The following SRGAP3 variants were observed in gnomAD, a reference collection of about 807,000 sequenced individuals.
SRGAP3 encodes SLIT-ROBO Rho GTPase activating protein 3, also known as SLIT-ROBO Rho GTPase-activating protein 3.
Under a neutral mutation model 121.1 loss-of-function variants are expected in SRGAP3, and 39 were observed. The ratio of observed to expected loss-of-function variants is 0.32; its 90% CI spans 0.25 to 0.42. The LOEUF (loss-of-function observed/expected upper bound fraction) is 0.42. Among genes scored for constraint, SRGAP3 ranks in the 10% least tolerant of loss-of-function variants. SRGAP3 has a pLI of 1.00. For synonymous variants in SRGAP3, 601 were observed against 570.0 expected (o/e 1.05, Z -0.77); for missense variants, 1,213 against 1,470.6 (o/e 0.82, Z 2.86).
chr3:9,301,927 A>C (rs1456967388), intron 3 of SRGAP3, among the ~76,000 whole-genome samples: 4 of 152,226 alleles, frequency 2.6e-5, no homozygotes, highest in African/African-American at 9.6e-5. Context: ...TGTTACTCTG[A>C]AAGGATATTG....
At chr3:9,283,832 ATTC>A in intron 3 of SRGAP3, among the ~76,000 whole-genome samples, 1 of 152,336 alleles carries the variant, frequency 6.6e-6, no homozygotes, top group Middle Eastern at 3.4e-3. Flanking sequence ...ACAAGCACAA[ATTC>A]TTAAGGAATT....
chr3:9,307,494 G>A (rs1384388204), intron 3 of SRGAP3, among the ~76,000 whole-genome samples: 3 of 152,200 alleles, frequency 2.0e-5, no homozygotes, highest in South Asian at 2.1e-4. Context: ...CTACGACCCA[G>A]CTATACAGGT....
chr3:9,314,850 T>A (rs903065908), intron 3 of SRGAP3, among the ~76,000 whole-genome samples: 7 of 152,206 alleles, frequency 4.6e-5, no homozygotes, highest in African/African-American at 1.7e-4. Flanking sequence ...GGAGGGGACC[T>A]GGCACTGGAG....
At chr3:9,092,483 T>A (rs966002131) in intron 3 of SRGAP3, among the ~76,000 whole-genome samples, 43 of 152,120 alleles carry the variant, frequency 2.8e-4, no homozygotes, top group African/African-American at 9.4e-4. Flanking sequence ...AAGCCTAAGA[T>A]CAGCCCTTTA....
intron 3 of SRGAP3, chr3:9,081,118 C>G (rs1947224892): frequency 2.9e-6 from 1 of 342,708 alleles, no homozygotes; most frequent in African/African-American, 2.2e-5. Context: ...TGAGAATCAG[C>G]AGCTGGCACC....
chr3:9,270,366 CA>C (rs1954449684), intron 3 of SRGAP3, among the ~76,000 whole-genome samples: 1 of 152,042 alleles, frequency 6.6e-6, no homozygotes, highest in South Asian at 2.1e-4. Flanking sequence ...CAAAAACAGA[CA>C]ACACTAATCC....
chr3:9,055,723 A>G (rs1402294711), intron 8 of SRGAP3, among the ~76,000 whole-genome samples: 2 of 152,242 alleles, frequency 1.3e-5, no homozygotes, highest in Non-Finnish European at 2.9e-5. Context: ...GAAAGCACAA[A>G]GAAGTAAACA....
chr3:9,190,171 G>C (rs1951709074), intron 1 of SRGAP3, among the ~76,000 whole-genome samples: 1 of 152,180 alleles, frequency 6.6e-6, no homozygotes, highest in South Asian at 2.1e-4. Flanking sequence ...ACAATCGGTG[G>C]AAGATTCTGG....
chr3:9,297,563 G>A (rs1954972414), intron 3 of SRGAP3, among the ~76,000 whole-genome samples: 1 of 151,936 alleles, frequency 6.6e-6, no homozygotes, highest in Non-Finnish European at 1.5e-5. Flanking sequence ...GGTCATTCAG[G>A]TGGACCCTAA....
At chr3:9,071,128 A>G (rs1256097374) in intron 4 of SRGAP3, among the ~76,000 whole-genome samples, 1 of 152,122 alleles carries the variant, frequency 6.6e-6, no homozygotes, top group Admixed American at 6.6e-5. Flanking sequence ...AGGTGGAAGA[A>G]CATCAGGTAT....
chr3:9,150,471 T>G (rs1388901300), intron 1 of SRGAP3, among the ~76,000 whole-genome samples: 2 of 151,868 alleles, frequency 1.3e-5, no homozygotes, highest in East Asian at 3.9e-4. Flanking sequence ...ACTTCTTCCA[T>G]GCACAGATGG....
intron 1 of SRGAP3, among the ~76,000 whole-genome samples, chr3:9,153,504 C>G (rs115968789): frequency 0.011 from 1,745 of 152,322 alleles, 28 homozygotes; most frequent in African/African-American, 0.039. Context: ...CAAGGACACT[C>G]AACTACAATG....
intron 1 of SRGAP3, among the ~76,000 whole-genome samples, chr3:9,166,126 T>C (rs1950777261): frequency 6.6e-6 from 1 of 152,178 alleles, no homozygotes; most frequent in Non-Finnish European, 1.5e-5. Context: ...AGCCTTTGCC[T>C]GTGAAGAATC....
intron 1 of SRGAP3, among the ~76,000 whole-genome samples, chr3:9,159,186 C>A (rs12630153): frequency 1.3e-5 from 2 of 151,982 alleles, no homozygotes; most frequent in Admixed American, 1.3e-4. Flanking sequence ...AGAACCCTCC[C>A]CACCACCCAC....
rs576548064 is a variant in SRGAP3 at position 9,030,216 on chromosome 3, CT to C, written c.1539+2433del. Among the ~76,000 whole-genome samples the C allele has an allele frequency of 6.1e-4, 93 of 152,144 alleles. 2 individuals are homozygous for C. The highest frequency in any genetic ancestry group is 4.8e-3 in the South Asian group (23 of 4,808). Reference sequence around the variant, plus strand: ...ATGAAATAGTATTTAACAAACACACCTTTTTTCCCAGTCAAATGAGTATTAT... The same window carrying C: ...ATGAAATAGTATTTAACAAACACACCTTTTTCCCAGTCAAATGAGTATTAT... On this transcript the variant is annotated intron_variant, in intron 12 of 21. Coordinates refer to ENST00000383836, the MANE Select transcript of SRGAP3 (RefSeq NM_014850.4).
chr3:9,175,489 T>C (rs771459865), intron 1 of SRGAP3, among the ~76,000 whole-genome samples: 1 of 152,164 alleles, frequency 6.6e-6, no homozygotes, highest in African/African-American at 2.4e-5. Context: ...CCTATTCCCC[T>C]GAGGGAAGAC....
rs553184137 is a variant in SRGAP3 at position 9,085,666 on chromosome 3, T to C, written c.424-5579A>G. Among the ~76,000 whole-genome samples the C allele has an allele frequency of 3.9e-5, 6 of 152,296 alleles. No homozygotes were observed. In the South Asian group the frequency reaches 1.2e-3, roughly 32 times the overall value. On this transcript the variant is annotated intron_variant, in intron 3 of 21. Coordinates refer to ENST00000383836, the MANE Select transcript of SRGAP3 (RefSeq NM_014850.4). Reference sequence around the variant, plus strand: ...AATGAAATCATGTCCTTTACAGATATGAATGAAGCTGGAAGCCATTATACT... The same window carrying C: ...AATGAAATCATGTCCTTTACAGATACGAATGAAGCTGGAAGCCATTATACT...
At chr3:9,223,141 T>C (rs1952868513) in intron 1 of SRGAP3, among the ~76,000 whole-genome samples, 1 of 152,222 alleles carries the variant, frequency 6.6e-6, no homozygotes, top group Non-Finnish European at 1.5e-5. Flanking sequence ...AAATCTGGCC[T>C]ACAGCCTATG....
Position 9,225,593 on chromosome 3 carries a change from C to T in SRGAP3, c.67+23292G>A, listed in dbSNP as rs142429548. On this transcript the variant is annotated intron_variant, in intron 1 of 21. Transcript: ENST00000383836. ...AGCTATAAAAGCATTTCTGCTCCCA[C>T]TCCCTCTACCCCAACCCCATCCCCT... 5.7e-3 allele frequency among the ~76,000 whole-genome samples: 869 copies of T among 152,292 alleles called. 4 individuals are homozygous for T. The highest frequency in any genetic ancestry group is 0.019 in the African/African-American group (787 of 41,554).
Sources: allele counts gnomAD v4.1 joint callset (sites outside exome capture counted in the v4.1 genomes callset), GRCh38; gene constraint gnomAD v4.1.1; transcripts MANE v1.5; gene names NCBI Gene and HGNC (gene_info 2026-07-23, HGNC 2026-07-21).